The following UTS2 variants were observed in gnomAD, a reference collection of about 807,000 sequenced individuals.
The protein encoded by UTS2 is urotensin 2.
In UTS2, 10 loss-of-function variants were observed where a neutral mutation model predicts 12.6. The ratio of observed to expected loss-of-function variants is 0.80; its 90% CI spans 0.49 to 1.35. The LOEUF (loss-of-function observed/expected upper bound fraction) is 1.35, where lower values mean the gene tolerates loss of function less well. Among genes scored for constraint, UTS2 ranks in the 40% most tolerant of loss-of-function variants. The pLI is 0.00. For synonymous variants in UTS2, 52 were observed against 50.0 expected, an observed-to-expected ratio of 1.04 and a Z score of -0.17; for missense variants, 142 against 143.2, an observed-to-expected ratio of 0.99 and a Z score of 0.04.
chr1:7,858,047 G>A (rs990644821), upstream of UTS2, among the ~76,000 whole-genome samples: 3 of 152,080 alleles, frequency 2.0e-5, no homozygotes, highest in Non-Finnish European at 4.4e-5. Flanking sequence ...GATGAACTCT[G>A]GGGCTCCAAG....
the UTS2 span, among the ~76,000 whole-genome samples, chr1:7,877,133 AAAAAAAAAAG>A: frequency 2.0e-3 from 191 of 97,884 alleles, 3 homozygotes; most frequent in South Asian, 0.039. Flanking sequence ...TATCAAAAAA[AAAAAAAAAAG>A]AAAAAAAAAA....
the UTS2 span, among the ~76,000 whole-genome samples, chr1:7,886,948 G>A: frequency 1.1e-4 from 16 of 146,360 alleles, 1 homozygote; most frequent in African/African-American, 3.1e-4. Context: ...GGCTGAGGCA[G>A]GAGAATTGCT....
chr1:7,912,614 C>T, the UTS2 span, among the ~76,000 whole-genome samples: 11 of 152,084 alleles, frequency 7.2e-5, no homozygotes, highest in Admixed American at 5.2e-4. Context: ...TCACCATGCC[C>T]GGCTAACTTT....
upstream of UTS2, among the ~76,000 whole-genome samples, chr1:7,854,032 C>G (rs11121037): frequency 0.11 from 17,087 of 152,068 alleles, 1,269 homozygotes; most frequent in South Asian, 0.21. Context: ...GATTTCAAGA[C>G]CAGCCTGGGC....
chr1:7,883,234 C>G, the UTS2 span, among the ~76,000 whole-genome samples: 1 of 152,202 alleles, frequency 6.6e-6, no homozygotes, highest in Non-Finnish European at 1.5e-5. Flanking sequence ...TTTGCAGCAA[C>G]ATGGATTGAA....
At chr1:7,906,489 A>AAGAAAGAAAG in the UTS2 span, among the ~76,000 whole-genome samples, 2 of 149,024 alleles carry the variant, frequency 1.3e-5, no homozygotes, top group Non-Finnish European at 3.0e-5. Context: ...GAAAGAAAGA[A>AAGAAAGAAAG]AGAAAGAAAG....
At chr1:7,909,791 T>TTTTAAATTATATTC in the UTS2 span, among the ~76,000 whole-genome samples, 2 of 151,848 alleles carry the variant, frequency 1.3e-5, no homozygotes, top group African/African-American at 2.4e-5. Context: ...CAGCTAATTT[T>TTTTAAATTATATTC]TGTATTTTTT....
the UTS2 span, among the ~76,000 whole-genome samples, chr1:7,884,630 G>C: frequency 4.6e-5 from 7 of 152,236 alleles, no homozygotes; most frequent in East Asian, 1.4e-3. Context: ...TTTTCTAGTG[G>C]AATATTTCAA....
intron 2 of UTS2, among the ~76,000 whole-genome samples, chr1:7,850,380 G>C (rs1443613804): frequency 6.6e-6 from 1 of 152,114 alleles, no homozygotes; most frequent in Non-Finnish European, 1.5e-5. Flanking sequence ...TGTGTGACTC[G>C]AGCATTTTAC....
the UTS2 span, among the ~76,000 whole-genome samples, chr1:7,882,669 C>A: frequency 6.6e-6 from 1 of 152,142 alleles, no homozygotes; most frequent in Non-Finnish European, 1.5e-5. Flanking sequence ...ATTCATCCAA[C>A]AAAGGACTAA....
chr1:7,850,644 G>A (rs1352662842), intron 2 of UTS2, among the ~76,000 whole-genome samples, 168 bp downstream of exon 2: 1 of 152,158 alleles, frequency 6.6e-6, no homozygotes, highest in African/African-American at 2.4e-5. Flanking sequence ...GGAGCTGCTG[G>A]GGAAAAGAAG....
At chr1:7,891,335 G>T in the UTS2 span, among the ~76,000 whole-genome samples, 1 of 151,984 alleles carries the variant, frequency 6.6e-6, no homozygotes, top group Non-Finnish European at 1.5e-5. Flanking sequence ...AGACCAGCCT[G>T]GCCAACATGG....
the UTS2 span, among the ~76,000 whole-genome samples, chr1:7,900,929 G>A: frequency 6.6e-6 from 1 of 152,132 alleles, no homozygotes; most frequent in African/African-American, 2.4e-5. Context: ...TTATAAAATA[G>A]GAATGATCCA....
At chr1:7,900,809 G>A in the UTS2 span, among the ~76,000 whole-genome samples, 1 of 151,796 alleles carries the variant, frequency 6.6e-6, no homozygotes, top group Non-Finnish European at 1.5e-5. Context: ...TCATGTTTTT[G>A]CCTCTTTTTC....
intron 3 of UTS2, among the ~76,000 whole-genome samples, chr1:7,848,660 C>T (rs1425595404): frequency 6.6e-6 from 1 of 152,072 alleles, no homozygotes; most frequent in African/African-American, 2.4e-5. Flanking sequence ...GCTGGGATTA[C>T]AGGTGCATGC....
At chr1:7,877,144 AAAAAAAAAAGAAACATGAAAAAAC>A in the UTS2 span, among the ~76,000 whole-genome samples, 4 of 27,000 alleles carry the variant, frequency 1.5e-4, no homozygotes, top group African/African-American at 5.3e-4. Context: ...AAAAAAAAAG[AAAAAAAAAAGAAACATGAAAAAAC>A]AAGAAACATG....
chr1:7,903,046 CTTCTCCTGCT>C, the UTS2 span, among the ~76,000 whole-genome samples: 79 of 115,380 alleles, frequency 6.8e-4, no homozygotes, highest in African/African-American at 2.2e-3. Flanking sequence ...CCTTCCCCTC[CTTCTCCTGCT>C]TCCCCTCCTT....
chr1:7,863,198 G>A, the UTS2 span, among the ~76,000 whole-genome samples: 10 of 151,814 alleles, frequency 6.6e-5, no homozygotes, highest in East Asian at 1.9e-4. Flanking sequence ...TGCAACCTCC[G>A]CCTCCCGGGT....
At chr1:7,856,935 C>A (rs2151385291), upstream of UTS2, among the ~76,000 whole-genome samples, 1 of 152,158 alleles carries the variant, frequency 6.6e-6, no homozygotes, top group East Asian at 1.9e-4. Context: ...GTGGTGGGCG[C>A]CTATGATCCC....
Sources: gnomAD v4.1 joint callset for allele counts (sites outside exome capture counted in the v4.1 genomes callset) on GRCh38, gnomAD v4.1.1 for gene constraint, MANE v1.5 for transcripts, NCBI Gene and HGNC (gene_info 2026-07-23, HGNC 2026-07-21) for gene names.